MCM3: variants seen among roughly 807,000 people sequenced by gnomAD.
MCM3 encodes minichromosome maintenance complex component 3, also known as DNA replication licensing factor MCM3.
MCM3 carries 59 observed loss-of-function variants against 91.3 expected under a neutral mutation model. The ratio of observed to expected loss-of-function variants is 0.65; its 90% CI spans 0.52 to 0.80. The LOEUF (loss-of-function observed/expected upper bound fraction) is 0.80. Among genes scored for constraint, MCM3 ranks in the 30% least tolerant of loss-of-function variants. The pLI is 0.00. For missense variants in MCM3, 919 were observed against 1,035.4 expected (o/e 0.89, Z 1.54); for synonymous variants, 383 against 379.6 (o/e 1.01, Z -0.10).
intron 14 of MCM3, among the ~76,000 whole-genome samples, 175 bp from the exon 15 acceptor site, chr6:52,266,871 A>G (rs1764680468): frequency 6.6e-6 from 1 of 152,196 alleles, no homozygotes; most frequent in African/African-American, 2.4e-5. Context: ...CCAAGTCCCC[A>G]GACTAGAACA....
At chr6:52,265,245 C>T (rs1268874118) in intron 16 of MCM3, 1 of 424,386 alleles carries the variant, frequency 2.4e-6, no homozygotes, top group Admixed American at 2.9e-5. Context: ...CATGGAAACC[C>T]TGCAGTCATT....
rs755856587 is a variant in MCM3 at position 52,277,215 on chromosome 6, G to A, written c.1034-17C>T. The A allele has an allele frequency of 1.4e-5, 22 of 1,608,916 alleles. No homozygotes were observed. Among genetic ancestry groups the A allele is most frequent in the South Asian group, 9.9e-5 (9 of 90,762 alleles). On this transcript the variant is annotated splice_polypyrimidine_tract_variant and intron_variant, in intron 7 of 16. Coordinates refer to ENST00000596288, the MANE Select transcript of MCM3 (RefSeq NM_002388.6). ...ATGGGTCTCCTGTAGGGTGGGGGCA[G>A]TGATGACTCTCTAGGAAACTCCCCA...
Position 52,282,863 on chromosome 6 carries a change from T to G in MCM3, c.192-2A>C, listed in dbSNP as rs368599297. On this transcript the variant is annotated splice_acceptor_variant, in intron 2 of 16. Transcript: ENST00000596288. LOFTEE classifies it high-confidence loss of function. ...TCCTCAAAGGCATTGTTCAGAAGCC[T>G]GTACATAAGCAAGAGAAAGAAAAAT... 134 of 1,613,284 alleles carry G rather than the reference T, an allele frequency of 8.3e-5. No homozygotes were observed. In the South Asian group the frequency reaches 9.0e-4, roughly 11 times the overall value.
chr6:52,269,586 C>T (rs528792762), intron 12 of MCM3, among the ~76,000 whole-genome samples: 1 of 152,266 alleles, frequency 6.6e-6, no homozygotes, highest in South Asian at 2.1e-4. Context: ...GTCATTTCAC[C>T]CTCTTAATAA....
intron 9 of MCM3, among the ~76,000 whole-genome samples, chr6:52,274,595 G>A (rs1199553538): frequency 6.6e-6 from 1 of 151,948 alleles, no homozygotes. Flanking sequence ...GGCTGAGGTG[G>A]GAGGATCACC....
chr6:52,284,559 T>C (rs1431091492), intron 1 of MCM3, 38 bp downstream of exon 1: 1 of 1,562,676 alleles, frequency 6.4e-7, no homozygotes. Flanking sequence ...CCGCAGGGGC[T>C]CCGAGCGCTA....
chr6:52,281,690 A>G (rs1371872550), intron 4 of MCM3, among the ~76,000 whole-genome samples: 2 of 151,964 alleles, frequency 1.3e-5, no homozygotes, highest in East Asian at 1.9e-4. Flanking sequence ...AAAAAAAATA[A>G]GAATTGTGAA....
intron 9 of MCM3, among the ~76,000 whole-genome samples, chr6:52,274,690 G>GAA (rs35200263): frequency 4.0e-5 from 5 of 123,882 alleles, no homozygotes; most frequent in East Asian, 2.2e-4. Context: ...CTATGTCTCA[G>GAA]AAAAAAAAAA....
In MCM3 at chr6:52,282,124, G is replaced by T; in HGVS notation, c.452C>A (p.Thr151Asn). The T allele has an allele frequency of 6.2e-7, 1 of 1,614,002 alleles. No homozygotes were observed. The highest frequency in any genetic ancestry group is 8.5e-7 in the Non-Finnish European group (1 of 1,179,892). The change falls in exon 4 of 17, where the codon ACT (threonine) becomes AAT (asparagine). Residue 151 changes from threonine (T) to asparagine (N), a missense_variant. Coordinates refer to ENST00000596288, the MANE Select transcript of MCM3 (RefSeq NM_002388.6). ...ATAACGTCGCTCTATGGTCTTCTTA[G>T]TAGCAGGACAGTAGTGGACACTGCG... is the stretch of plus-strand genomic sequence containing the variant. ...VVRSVHYCPA[T>N]KKTIERRYSD... is the part of the protein sequence containing the mutation.
chr6:52,270,939 G>A (rs1160273438), intron 12 of MCM3, among the ~76,000 whole-genome samples: 2 of 152,140 alleles, frequency 1.3e-5, no homozygotes, highest in African/African-American at 2.4e-5. Flanking sequence ...AAGAAGTCCC[G>A]GCCGGGCTCA....
intron 9 of MCM3, 94 bp downstream of exon 9, chr6:52,276,174 T>C (rs1765541198): frequency 6.0e-6 from 7 of 1,161,010 alleles, no homozygotes; most frequent in Non-Finnish European, 4.9e-6. Flanking sequence ...TGGCCTATTA[T>C]TCCCCTGGGT....
intron 13 of MCM3, 120 bp from the exon 14 acceptor site, chr6:52,268,088 A>C (rs2128275770): frequency 7.3e-7 from 1 of 1,364,258 alleles, no homozygotes; most frequent in Non-Finnish European, 1.0e-6. Context: ...CCAATGGTTT[A>C]CCTAGCTCCT....
intron 1 of MCM3, among the ~76,000 whole-genome samples, chr6:52,284,151 A>G (rs1202635142): frequency 1.3e-5 from 2 of 152,220 alleles, no homozygotes; most frequent in African/African-American, 4.8e-5. Context: ...TTGGTATTGA[A>G]AAAGAATGCA....
At chr6:52,277,374 G>T (rs1765667180) in intron 7 of MCM3, among the ~76,000 whole-genome samples, 161 bp downstream of exon 7, 1 of 148,686 alleles carries the variant, frequency 6.7e-6, no homozygotes, top group Non-Finnish European at 1.5e-5. Flanking sequence ...TATAAATCAG[G>T]AATTCCAGAG....
At chr6:52,272,477 T>G (rs763463022) in intron 11 of MCM3, 26 bp from the exon 12 acceptor site, 1 of 1,612,944 alleles carries the variant, frequency 6.2e-7, no homozygotes, top group African/African-American at 1.3e-5. Context: ...GTGAATTCCA[T>G]CTCCCTGCCA....
At chr6:52,281,499 G>A (rs1206633438) in intron 4 of MCM3, among the ~76,000 whole-genome samples, 1 of 151,826 alleles carries the variant, frequency 6.6e-6, no homozygotes, top group Non-Finnish European at 1.5e-5. Flanking sequence ...AACATAGCGA[G>A]ACCCTGTCTC....
chr6:52,271,938 C>T (rs1765171312), intron 12 of MCM3, among the ~76,000 whole-genome samples: 1 of 151,414 alleles, frequency 6.6e-6, no homozygotes, highest in South Asian at 2.1e-4. Flanking sequence ...GGAAGTCTTT[C>T]TATCTACCTT....
At chr6:52,276,735 C>T (rs1304658176) in intron 8 of MCM3, among the ~76,000 whole-genome samples, 1 of 152,182 alleles carries the variant, frequency 6.6e-6, no homozygotes, top group East Asian at 1.9e-4. Context: ...ATTCTCTCTT[C>T]GGCCTCAACC....
chr6:52,283,294 C>T lies in MCM3; in HGVS notation c.191G>A (p.Arg64Gln). The T allele has an allele frequency of 6.2e-7, 1 of 1,613,542 alleles. No homozygotes were observed. Among genetic ancestry groups the T allele is most frequent in the Non-Finnish European group, 8.5e-7 (1 of 1,179,516 alleles). ...LRRKNEKRANRLLNNAFEELV... is the reference protein window; with the variant it reads ...LRRKNEKRANQLLNNAFEELV... ...GCCAGTATATCCCCTTGCCTCTCAC[C>T]GGTTAGCCCTCTTCTCGTTTTTCCT... Residue 64 changes from arginine (R) to glutamine (Q), a missense_variant and splice_region_variant, in exon 2 of 17, where the codon CGG (arginine) becomes CAG (glutamine). Coordinates refer to ENST00000596288, the MANE Select transcript of MCM3 (RefSeq NM_002388.6).
Sources: allele counts gnomAD v4.1 joint callset (sites outside exome capture counted in the v4.1 genomes callset), GRCh38; gene constraint gnomAD v4.1.1; transcripts MANE v1.5; gene names NCBI Gene and HGNC (gene_info 2026-07-23, HGNC 2026-07-21).